Variants in WWOX observed in about 807,000 individuals in gnomAD.
The protein encoded by WWOX is WW domain containing oxidoreductase.
In WWOX, 69 loss-of-function variants were observed where a neutral mutation model predicts 46.2. That is an observed-to-expected ratio of 1.49 (90% confidence interval 1.23 to 1.82). The LOEUF is 1.82. Among genes scored for constraint, WWOX ranks in the 40% most tolerant of loss-of-function variants. WWOX has a pLI of 0.00. For missense variants in WWOX, 919 were observed against 542.6 expected (o/e 1.69, Z -6.89); for synonymous variants, 359 against 202.6 (o/e 1.77, Z -6.56).
chr16:79,094,757 AT>A (rs1170193678), intron 8 of WWOX, among the ~76,000 whole-genome samples: 1 of 152,144 alleles, frequency 6.6e-6, no homozygotes, highest in African/African-American at 2.4e-5. Flanking sequence ...ACAACCTCTC[AT>A]TTAAAGGAGT....
chr16:78,586,543 C>A (rs2045213475), intron 8 of WWOX, among the ~76,000 whole-genome samples: 1 of 152,168 alleles, frequency 6.6e-6, no homozygotes, highest in African/African-American at 2.4e-5. Flanking sequence ...AACAACCTTG[C>A]AATACGCTTG....
At chr16:78,914,561 A>G (rs2045197048) in intron 8 of WWOX, among the ~76,000 whole-genome samples, 2 of 151,928 alleles carry the variant, frequency 1.3e-5, no homozygotes, top group South Asian at 4.1e-4. Context: ...TGTGGGATCA[A>G]GAACTTTTAG....
At chr16:78,760,929 A>G (rs74654028) in intron 8 of WWOX, among the ~76,000 whole-genome samples, 3,111 of 152,308 alleles carry the variant, frequency 0.02, 106 homozygotes, top group African/African-American at 0.071. Context: ...AGAACAGAAG[A>G]GAGCTTGTGC....
chr16:79,009,717 C>A (rs1026855509), intron 8 of WWOX, among the ~76,000 whole-genome samples: 1 of 152,154 alleles, frequency 6.6e-6, no homozygotes, highest in African/African-American at 2.4e-5. Context: ...TCCCAAAGTG[C>A]TGGGATTACA....
intron 8 of WWOX, among the ~76,000 whole-genome samples, chr16:78,466,021 AGTTTTTTTTGGTTTTTT>A (rs1326296497): frequency 1.4e-5 from 2 of 143,946 alleles, no homozygotes; most frequent in Non-Finnish European, 3.0e-5. Context: ...AAGTTTCTTT[AGTTTTTTTTGGTTTTTT>A]GTTTTTTTTT....
chr16:78,432,738 T>G lies in WWOX; in HGVS notation c.1042T>G (p.Phe348Val), dbSNP rs768904294. The G allele has an allele frequency of 1.4e-5, 22 of 1,614,062 alleles. No homozygotes were observed. The highest frequency in any genetic ancestry group is 1.8e-5 in the Non-Finnish European group (21 of 1,180,042). ...ACTGCTGTTTACCTTGGCGAGGCCT[T>G]TCACCAAGTCCATGGTAAGAGAACA... The part of the protein sequence containing the change: ...YTLLFTLARP[F>V]TKSMQQGAAT... Residue 348 changes from phenylalanine to valine, a missense_variant, in exon 8 of 9, where the codon TTC becomes GTC. By Grantham distance (50) the Phe-to-Val change is conservative. Coordinates refer to ENST00000566780, the MANE Select transcript of WWOX (RefSeq NM_016373.4).
chr16:79,125,487 T>C (rs926220069), intron 8 of WWOX, among the ~76,000 whole-genome samples: 1 of 152,258 alleles, frequency 6.6e-6, no homozygotes, highest in African/African-American at 2.4e-5. Flanking sequence ...GGCATTTTTA[T>C]GGGATCCAGT....
At chr16:78,871,938 C>G (rs946886166) in intron 8 of WWOX, among the ~76,000 whole-genome samples, 1 of 152,176 alleles carries the variant, frequency 6.6e-6, no homozygotes, top group Admixed American at 6.5e-5. Flanking sequence ...AACCTGTTTT[C>G]TTCCAGCCAT....
At chr16:78,159,505 A>C (rs1465732218) in intron 4 of WWOX, among the ~76,000 whole-genome samples, 1 of 152,102 alleles carries the variant, frequency 6.6e-6, no homozygotes, top group Non-Finnish European at 1.5e-5. Flanking sequence ...CTTTCATTTT[A>C]TGATGAGAAC....
intron 8 of WWOX, among the ~76,000 whole-genome samples, chr16:79,065,038 C>G (rs1451871190): frequency 6.6e-6 from 1 of 152,154 alleles, no homozygotes; most frequent in Non-Finnish European, 1.5e-5. Flanking sequence ...TTTAGGGAAG[C>G]ACTTACGTGT....
chr16:79,171,371 A>C (rs994911653), intron 8 of WWOX, among the ~76,000 whole-genome samples: 1 of 152,234 alleles, frequency 6.6e-6, no homozygotes, highest in Non-Finnish European at 1.5e-5. Flanking sequence ...CCCACACTGA[A>C]CAAATATAAT....
At chr16:79,161,101 C>G (rs753814283) in intron 8 of WWOX, among the ~76,000 whole-genome samples, 5 of 152,208 alleles carry the variant, frequency 3.3e-5, no homozygotes, top group East Asian at 3.8e-4. Flanking sequence ...TTGTTTAACA[C>G]AGACCTCATG....
intron 4 of WWOX, among the ~76,000 whole-genome samples, chr16:78,134,778 C>T (rs1006020194): frequency 6.6e-6 from 1 of 152,112 alleles, no homozygotes; most frequent in Non-Finnish European, 1.5e-5. Flanking sequence ...AAGAGTATAA[C>T]GTTGGTTTTA....
chr16:78,180,463 A>G (rs1412782990), intron 5 of WWOX, among the ~76,000 whole-genome samples: 1 of 152,074 alleles, frequency 6.6e-6, no homozygotes, highest in East Asian at 1.9e-4. Context: ...GCGTAAACCC[A>G]GCTGCACCCG....
chr16:78,414,115 C>T (rs937382678), intron 6 of WWOX, among the ~76,000 whole-genome samples: 1 of 151,870 alleles, frequency 6.6e-6, no homozygotes, highest in Admixed American at 6.6e-5. Flanking sequence ...CAGGAGCTCC[C>T]CCACCGAGCA....
intron 4 of WWOX, chr16:78,123,578 C>G (rs1251537610): frequency 6.6e-6 from 1 of 150,684 alleles, no homozygotes; most frequent in Non-Finnish European, 1.5e-5. Flanking sequence ...CTGCCTCAGC[C>G]TCTCGAGTAG....
chr16:78,375,440 A>G lies in WWOX; in HGVS notation c.517-11420A>G, dbSNP rs562409394. Among the ~76,000 whole-genome samples, 592 of 152,322 alleles carry G rather than the reference A, an allele frequency of 3.9e-3. 5 individuals carry two copies. Among genetic ancestry groups the G allele is most frequent in the African/African-American group, 0.012 (504 of 41,568 alleles). On this transcript the variant is annotated intron_variant, in intron 5 of 8. Coordinates refer to ENST00000566780, the MANE Select transcript of WWOX (RefSeq NM_016373.4). ...TATTTGATGGTATGTTAAACAGTCA[A>G]TCATTCATTTTCTAAATTAAAGCCT... is the stretch of plus-strand genomic sequence containing the variant.
At chr16:78,563,919 G>T (rs963723604) in intron 8 of WWOX, among the ~76,000 whole-genome samples, 1 of 152,192 alleles carries the variant, frequency 6.6e-6, no homozygotes, top group Non-Finnish European at 1.5e-5. Flanking sequence ...TTTGACCAAT[G>T]AGGCATTTGG....
chr16:78,110,750 G>A (rs1158318835), intron 3 of WWOX, among the ~76,000 whole-genome samples: 2 of 152,136 alleles, frequency 1.3e-5, no homozygotes, highest in Non-Finnish European at 2.9e-5. Context: ...TGCCCTGAGA[G>A]GTAGTATTGT....
Sources: gnomAD v4.1 joint callset for allele counts (sites outside exome capture counted in the v4.1 genomes callset) on GRCh38, gnomAD v4.1.1 for gene constraint, MANE v1.5 for transcripts, NCBI Gene and HGNC (gene_info 2026-07-23, HGNC 2026-07-21) for gene names.